NOTCH4: variants seen among roughly 807,000 people sequenced by gnomAD.
NOTCH4 encodes the protein neurogenic locus notch homolog protein 4.
A neutral mutation model predicts 189.0 loss-of-function variants in NOTCH4; 138 were observed. The ratio of observed to expected loss-of-function variants is 0.73; its 90% CI spans 0.64 to 0.84. The LOEUF (loss-of-function observed/expected upper bound fraction) is 0.84. Ranked by LOEUF, NOTCH4 falls within the 40% of genes least tolerant of loss-of-function variation. The pLI is 0.00. For missense variants in NOTCH4, 2,286 were observed against 2,605.4 expected (o/e 0.88, Z 2.67); for synonymous variants, 942 against 1,032.8 (o/e 0.91, Z 1.69).
Position 32,201,504 on chromosome 6 carries a change from T to G in NOTCH4, c.3756-4A>C. The G allele has an allele frequency of 1.4e-6, 2 of 1,477,390 alleles. No homozygotes were observed. The highest frequency in any genetic ancestry group is 1.8e-6 in the Non-Finnish European group (2 of 1,113,478). 91.5% of individuals were successfully genotyped at this position (1,477,390 alleles called of 1,614,324 possible). On this transcript the variant is annotated splice_polypyrimidine_tract_variant and splice_region_variant and intron_variant, in intron 21 of 29. Transcript: ENST00000375023. This position sits in a 1 kb window ranked among gnomAD's most constrained non-coding sequence, Gnocchi z 5.5. ...GCAGTACTGGTCATAGGCTGGACTG[T>G]GGGGTAAGGAGAGGGGGACTCAGGA...
In NOTCH4 at chr6:32,221,692, T is replaced by C. The variant is rs996450573; in HGVS notation, c.452-367A>G. Reference sequence around the variant, plus strand: ...GTTGTATACCCTTGGGTGAGCCACTTTGCCTTTCTGATCCTCATTTCCTAA... The same window carrying C: ...GTTGTATACCCTTGGGTGAGCCACTCTGCCTTTCTGATCCTCATTTCCTAA... On this transcript the variant is annotated intron_variant, in intron 3 of 29. Coordinates refer to ENST00000375023, the MANE Select transcript of NOTCH4 (RefSeq NM_004557.4). This position sits in a 1 kb window ranked among gnomAD's most constrained non-coding sequence, Gnocchi z 4.3. Among the ~76,000 whole-genome samples, 1 of 152,134 alleles carries C rather than the reference T, an allele frequency of 6.6e-6. No individual in the cohort carries two copies. Among genetic ancestry groups the C allele is most frequent in the African/African-American group, 2.4e-5 (1 of 41,410 alleles).
rs1454135305 is a variant in NOTCH4 at position 32,198,088 on chromosome 6, TGGGATTACAGG to T, written c.4756+322_4756+332del. Among the ~76,000 whole-genome samples, 1 of 152,258 alleles carries T rather than the reference TGGGATTACAGG, an allele frequency of 6.6e-6. No individual in the cohort carries two copies. Among genetic ancestry groups the T allele is most frequent in the Non-Finnish European group, 1.5e-5 (1 of 68,040 alleles). ...CACCCGCCTTGGCCTCCCAAAGTGC[TGGGATTACAGG>T]CGTGAGCCACCACGCCCGGCCTAGC... On this transcript the variant is annotated intron_variant, in intron 26 of 29. Transcript: ENST00000375023. This position sits in a 1 kb window ranked among gnomAD's most constrained non-coding sequence, Gnocchi z 5.5.
chr6:32,214,239 C>T lies in NOTCH4; in HGVS notation c.2038G>A (p.Asp680Asn), dbSNP rs145685654. ...CACTCTGGCCCCGTCCAACCCACGT[C>T]ACACACACATGAGGATCTGGTTGTA... ...GHCQRSSCVC[D>N]VGWTGPECEA... Residue 680 changes from aspartate (D) to asparagine (N), a missense_variant, in exon 13 of 30, where the codon GAC becomes AAC. Physicochemically the swap from Asp to Asn is conservative, Grantham distance 23 (BLOSUM62 1). Coordinates refer to ENST00000375023, the MANE Select transcript of NOTCH4 (RefSeq NM_004557.4). The T allele has an allele frequency of 1.5e-4, 240 of 1,613,316 alleles. No individual in the cohort carries two copies. The African/African-American group carries it at 2.7e-3, about 18-fold the overall frequency.
At position 32,200,274 on chromosome 6, in the gene NOTCH4, G is replaced by A. The variant is rs373949670; in HGVS notation, c.4315+557C>T. Among the ~76,000 whole-genome samples the A allele has an allele frequency of 2.7e-4, 41 of 151,382 alleles. 1 individual carries two copies. The East Asian group carries it at 4.3e-3, about 16-fold the overall frequency. ...CGCCCAGGCTGGAGTGCAGTGGCGC[G>A]ATCTCGGCTCACTGCAAGCTCCACC... is the stretch of plus-strand genomic sequence containing the variant. On this transcript the variant is annotated intron_variant, in intron 23 of 29. Coordinates refer to ENST00000375023, the MANE Select transcript of NOTCH4 (RefSeq NM_004557.4). The surrounding 1 kb of genome is among the most constrained non-coding windows in gnomAD (Gnocchi z 5.0).
rs543333800 is a variant in NOTCH4, at chr6:32,210,251, C to T, written c.2865+501G>A. Reference sequence around the variant, plus strand: ...ATCAGTATGGGGTACGTGGCAAAGTCAGCAGCAGTTTCATGTTGCTGGAGC... The same window carrying T: ...ATCAGTATGGGGTACGTGGCAAAGTTAGCAGCAGTTTCATGTTGCTGGAGC... On this transcript the variant is annotated intron_variant, in intron 18 of 29. Transcript: ENST00000375023. The surrounding 1 kb of genome is among the most constrained non-coding windows in gnomAD (Gnocchi z 4.8). Among the ~76,000 whole-genome samples, 1 of 152,258 alleles carries T rather than the reference C, an allele frequency of 6.6e-6. No individual in the cohort carries two copies. Among genetic ancestry groups the T allele is most frequent in the East Asian group, 1.9e-4 (1 of 5,180 alleles).
Position 32,213,253 on chromosome 6 carries a change from C to A in NOTCH4, c.2321-1G>T. 1 of 1,607,514 alleles carries A rather than the reference C, an allele frequency of 6.2e-7. No homozygotes were observed. The highest frequency in any genetic ancestry group is 8.5e-7 in the Non-Finnish European group (1 of 1,174,326). ...CAGGTACCCCCATTGAAGCACGGGGCTGGAGAGAGGAGGCTGTGAGGGTTT... is the reference window on the plus strand; with the variant it reads ...CAGGTACCCCCATTGAAGCACGGGGATGGAGAGAGGAGGCTGTGAGGGTTT... On this transcript the variant is annotated splice_acceptor_variant, in intron 14 of 29. Transcript: ENST00000375023. LOFTEE classifies it high-confidence loss of function.
rs1472845199 is a variant in NOTCH4 at position 32,223,179 on chromosome 6, G to C, written c.74-93C>G. 3.4e-6 allele frequency: 3 copies of C among 892,112 alleles called. No individual in the cohort carries two copies. The African/African-American group carries it at 4.9e-5, about 15-fold the overall frequency. The allele number at this position is 892,112 out of a possible 1,614,324, so 55.3% of individuals were successfully genotyped here. ...GCTCCTGAGAGACCTGCCCACAGCA[G>C]CTCCCACAGGTACTCTAAACCACCT... On this transcript the variant is annotated intron_variant, in intron 1 of 29. Coordinates refer to ENST00000375023, the MANE Select transcript of NOTCH4 (RefSeq NM_004557.4).
rs1432740588 is a variant in NOTCH4 at position 32,195,850 on chromosome 6, C to T, written c.5599G>A (p.Gly1867Arg). The T allele has an allele frequency of 6.3e-7, 1 of 1,596,646 alleles. No individual in the cohort carries two copies. The highest frequency in any genetic ancestry group is 8.5e-7 in the Non-Finnish European group (1 of 1,178,154). The change falls in exon 30 of 30, where the codon GGA becomes AGA. Residue 1867 changes from glycine (G) to arginine (R), a missense_variant. Coordinates refer to ENST00000375023, the MANE Select transcript of NOTCH4 (RefSeq NM_004557.4). This position sits in a 1 kb window ranked among gnomAD's most constrained non-coding sequence, Gnocchi z 5.4. ...ALPRCRTLSA[G>R]AGPRGGGACL... ...GCTCCGCCCCCACGAGGGCCTGCTC[C>T]GGCTGACAGCGTCCGGCAGCGCGGC...
Position 32,212,710 on chromosome 6 carries a change from C to T in NOTCH4, c.2527-83G>A, listed in dbSNP as rs1789102785. 2.6e-6 allele frequency: 4 copies of T among 1,515,048 alleles called. No individual in the cohort carries two copies. Among genetic ancestry groups the T allele is most frequent in the African/African-American group, 1.4e-5 (1 of 72,380 alleles). 93.9% of individuals were successfully genotyped at this position (1,515,048 alleles called of 1,614,324 possible). ...TGGTCCTCTGCCCACTCCAGCTCCT[C>T]GAAATCCCTTACTTCAAAAACCTTC... On this transcript the variant is annotated intron_variant, in intron 16 of 29. Coordinates refer to ENST00000375023, the MANE Select transcript of NOTCH4 (RefSeq NM_004557.4). The surrounding 1 kb of genome is among the most constrained non-coding windows in gnomAD (Gnocchi z 4.4).
At position 32,197,066 on chromosome 6, in the gene NOTCH4, G is replaced by A. The variant is rs368983049; in HGVS notation, c.5059C>T (p.Leu1687Phe). 6.2e-6 allele frequency: 10 copies of A among 1,612,434 alleles called. No individual in the cohort carries two copies. The highest frequency in any genetic ancestry group is 1.1e-5 in the South Asian group (1 of 91,082). Residue 1687 changes from leucine to phenylalanine, a missense_variant, in exon 28 of 30, where the codon CTC becomes TTC. Coordinates refer to ENST00000375023, the MANE Select transcript of NOTCH4 (RefSeq NM_004557.4). ...TCCACTGCAGTTTGTCTGCTACGGA[G>A]CAGAAGCTGGGGAGACAGAGGGCCA... ...ADAREVCQLLLRSRQTAVDAR... is the reference protein window; with the variant it reads ...ADAREVCQLLFRSRQTAVDAR...
chr6:32,199,159 C>G lies in NOTCH4; in HGVS notation c.4316-14G>C. ...TGGCAGGGGGTGCTGGTGGGAGAGA[C>G]AGAGTCACAAAGAGAGGCCACTCCT... On this transcript the variant is annotated splice_polypyrimidine_tract_variant and intron_variant, in intron 23 of 29. Coordinates refer to ENST00000375023, the MANE Select transcript of NOTCH4 (RefSeq NM_004557.4). The surrounding 1 kb of genome is among the most constrained non-coding windows in gnomAD (Gnocchi z 4.9). The G allele has an allele frequency of 1.3e-6, 2 of 1,557,966 alleles. No homozygotes were observed. Among genetic ancestry groups the G allele is most frequent in the Non-Finnish European group, 8.7e-7 (1 of 1,152,478 alleles).
rs1380067021 is a variant in NOTCH4 at position 32,202,173 on chromosome 6, A to G, written c.3658T>C (p.Cys1220Arg). 2 of 1,524,492 alleles carry G rather than the reference A, an allele frequency of 1.3e-6. No individual in the cohort carries two copies. The highest frequency in any genetic ancestry group is 1.8e-6 in the Non-Finnish European group (2 of 1,136,652). The allele number at this position is 1,524,492 out of a possible 1,614,324, so 94.4% of individuals were successfully genotyped here. A position where few individuals can be genotyped will look rare whatever the true frequency, so the allele number is the denominator to read the frequency against. Residue 1220 changes from cysteine (C) to arginine (R), a missense_variant, in exon 21 of 30, where the codon TGC (cysteine) becomes CGC (arginine). By Grantham distance (180) the Cys-to-Arg change is radical. This residue lies in a region of NOTCH4 where 1,903 missense variants were observed against 2,261.9 expected (regional missense o/e 0.84). Coordinates refer to ENST00000375023, the MANE Select transcript of NOTCH4 (RefSeq NM_004557.4). The surrounding 1 kb of genome is among the most constrained non-coding windows in gnomAD (Gnocchi z 5.7). ...TGCCCGTCCCGGAAGAGAAGCCAGC[A>G]CCGAGAGTGGGAGGGGCAGCCCTTC... is the stretch of plus-strand genomic sequence containing the variant. ...PWKGCPSHSR[C>R]WLLFRDGQCH...
In NOTCH4 at chr6:32,205,277, C is replaced by T. The variant is rs551588632; in HGVS notation, c.2866-888G>A. On this transcript the variant is annotated intron_variant, in intron 18 of 29. Coordinates refer to ENST00000375023, the MANE Select transcript of NOTCH4 (RefSeq NM_004557.4). ...AAAAGAAGAAGTAAATAGCCGGGTGCGGTGGCTCACGCCTGTAATCCCAGC... is the reference window on the plus strand; with the variant it reads ...AAAAGAAGAAGTAAATAGCCGGGTGTGGTGGCTCACGCCTGTAATCCCAGC... Among the ~76,000 whole-genome samples the T allele has an allele frequency of 3.9e-5, 6 of 152,024 alleles. No homozygotes were observed. In the South Asian group the frequency reaches 1.0e-3, roughly 26 times the overall value.
Position 32,197,022 on chromosome 6 carries a change from C to T in NOTCH4, c.5103G>A (p.Gly1701=), listed in dbSNP as rs142586922. ...QTAVDARTED[G]TTPLMLAARL... The stretch of plus-strand genomic sequence containing the variant: ...TGGCAGCCAGCATCAAGGGTGTGGT[C>T]CCGTCCTCTGTGCGAGCGTCCACTG... Residue 1701 remains glycine (G), a synonymous_variant, in exon 28 of 30, where the codon GGG becomes GGA. Coordinates refer to ENST00000375023, the MANE Select transcript of NOTCH4 (RefSeq NM_004557.4). The T allele has an allele frequency of 1.1e-3, 1,776 of 1,612,940 alleles. 14 individuals carry two copies. The highest frequency in any genetic ancestry group is 8.2e-3 in the Middle Eastern group (50 of 6,062).
In NOTCH4 at chr6:32,195,785, C is replaced by G; in HGVS notation, c.5664G>C (p.Ala1888=). 1 of 1,606,722 alleles carries G rather than the reference C, an allele frequency of 6.2e-7. No individual in the cohort carries two copies. Among genetic ancestry groups the G allele is most frequent in the East Asian group, 2.2e-5 (1 of 44,864 alleles). The change falls in exon 30 of 30, where the codon GCG becomes GCC. Residue 1888 remains alanine, a synonymous_variant. Transcript: ENST00000375023. The surrounding 1 kb of genome is among the most constrained non-coding windows in gnomAD (Gnocchi z 5.4). ...AATGAGAATAGGCCCCGCCCCCCCGCGCAGCCAAGTCTACGGACCAAGTCC... is the reference window on the plus strand; with the variant it reads ...AATGAGAATAGGCCCCGCCCCCCCGGGCAGCCAAGTCTACGGACCAAGTCC... The part of the protein sequence containing the change: ...QARTWSVDLA[A]RGGGAYSHCR...
chr6:32,221,353 T>A lies in NOTCH4; in HGVS notation c.452-28A>T. 1 of 1,567,088 alleles carries A rather than the reference T, an allele frequency of 6.4e-7. No homozygotes were observed. Among genetic ancestry groups the A allele is most frequent in the Non-Finnish European group, 8.7e-7 (1 of 1,145,636 alleles). On this transcript the variant is annotated intron_variant, in intron 3 of 29. Coordinates refer to ENST00000375023, the MANE Select transcript of NOTCH4 (RefSeq NM_004557.4). This position sits in a 1 kb window ranked among gnomAD's most constrained non-coding sequence, Gnocchi z 4.3. ...GAGGCAGAGGACAGAGGGAGCCGTTTCTAGCATTGTACGAATTCTAGCCCA... is the reference window on the plus strand; with the variant it reads ...GAGGCAGAGGACAGAGGGAGCCGTTACTAGCATTGTACGAATTCTAGCCCA...
rs754969999 is a variant in NOTCH4, at chr6:32,213,653, G to A, written c.2320+35C>T. The A allele has an allele frequency of 1.3e-5, 21 of 1,605,620 alleles. No individual in the cohort carries two copies. The Admixed American group carries it at 3.6e-4, about 27-fold the overall frequency. On this transcript the variant is annotated intron_variant, in intron 14 of 29. Coordinates refer to ENST00000375023, the MANE Select transcript of NOTCH4 (RefSeq NM_004557.4). Reference sequence around the variant, plus strand: ...CCCTCCTTAGTTCTTCCATTCTCCTGTGGACCCCAGCCCCATGACACAGTG... The same window carrying A: ...CCCTCCTTAGTTCTTCCATTCTCCTATGGACCCCAGCCCCATGACACAGTG...
In NOTCH4 at chr6:32,223,933, C is replaced by T; in HGVS notation, c.-5G>A. ...CAGCAGTGAAGGGGGCTGCATTCCA[C>T]AGCCCCTTCTCCAAGCCCCGGTCCC... On this transcript the variant is annotated 5_prime_UTR_variant, in exon 1 of 30. In the 5' UTR this introduces an upstream ATG that the reference lacks. Transcript: ENST00000375023. The T allele has an allele frequency of 6.3e-7, 1 of 1,597,820 alleles. No individual in the cohort carries two copies.
chr6:32,197,655 A>G, intron 26 of NOTCH4, 61 bp from the exon 27 acceptor site: 1 of 1,437,870 alleles, frequency 7.0e-7, no homozygotes, highest in East Asian at 2.5e-5. Flanking sequence ...AAGGGACAAC[A>G]TGTAAGCTCA....
Sources: allele counts gnomAD v4.1 joint callset (sites outside exome capture counted in the v4.1 genomes callset), GRCh38; gene constraint gnomAD v4.1.1; regional missense constraint gnomAD v4.1.1; non-coding constraint Gnocchi (gnomAD v3.1); transcripts MANE v1.5; gene names NCBI Gene and HGNC (gene_info 2026-07-23, HGNC 2026-07-21).